Variants in MECOM observed in about 807,000 individuals in gnomAD.
MECOM encodes the protein MDS1 and EVI1 complex locus.
Under a neutral mutation model 116.3 loss-of-function variants are expected in MECOM, and 13 were observed. That is an observed-to-expected ratio of 0.11 (90% CI 0.07 to 0.18). The LOEUF (loss-of-function observed/expected upper bound fraction) is 0.18. Ranked by LOEUF, MECOM falls within the 10% of genes least tolerant of loss-of-function variation. The pLI is 1.00. For synonymous variants in MECOM, 528 were observed against 535.2 expected (o/e 0.99, Z 0.19); for missense variants, 1,299 against 1,509.0 (o/e 0.86, Z 2.31).
chr3:169,581,165 C>G (rs1372237549), intron 1 of MECOM, among the ~76,000 whole-genome samples: 1 of 152,178 alleles, frequency 6.6e-6, no homozygotes, highest in Non-Finnish European at 1.5e-5. Context: ...TGATTCAAAA[C>G]AAAATGAAAC....
intron 2 of MECOM, among the ~76,000 whole-genome samples, chr3:169,243,929 G>C (rs1352881043): frequency 6.6e-6 from 1 of 152,142 alleles, no homozygotes; most frequent in Non-Finnish European, 1.5e-5. Context: ...AAGTCTCCAG[G>C]AGACCCCAAA....
In MECOM at chr3:169,131,556, TG is replaced by T. The variant is rs753982533; in HGVS notation, c.511-26del. ...TCTTTAAAGACAAAATAAAGGTGGA[TG>T]GAATCAGGAAAGAGAGAGATGTATA... On this transcript the variant is annotated intron_variant, in intron 3 of 16. Transcript: ENST00000651503. The T allele has an allele frequency of 5.1e-6, 8 of 1,571,298 alleles. No individual in the cohort carries two copies. In the South Asian group the frequency reaches 9.1e-5, roughly 18 times the overall value.
At chr3:169,212,466 G>A (rs1245618813) in intron 2 of MECOM, among the ~76,000 whole-genome samples, 1 of 149,116 alleles carries the variant, frequency 6.7e-6, no homozygotes, top group Admixed American at 6.7e-5. Context: ...AAAAAAAAAA[G>A]CTAAACTGCT....
Position 169,116,288 on chromosome 3 carries a change from G to A in MECOM, c.1584C>T (p.Leu528=), listed in dbSNP as rs1177270970. The change falls in exon 8 of 17, where the codon CTC becomes CTT. Residue 528 remains leucine (L), a synonymous_variant. Transcript: ENST00000651503. ...TEQTNKSQSP[L]MTHPQILPAT... ...CTGGCAGTATCTGAGGATGTGTCAT[G>A]AGGGGACTTTGACTTTTGTTTGTCT... 6.2e-7 allele frequency: 1 copy of A among 1,614,200 alleles called. No homozygotes were observed. The highest frequency in any genetic ancestry group is 1.7e-5 in the Admixed American group (1 of 60,034).
chr3:169,616,209 G>C (rs1769978220), intron 1 of MECOM, among the ~76,000 whole-genome samples: 1 of 152,196 alleles, frequency 6.6e-6, no homozygotes, highest in African/African-American at 2.4e-5. Context: ...TTGTGCAAAG[G>C]AGGCATGGAG....
chr3:169,614,628 T>G (rs1292958293), intron 1 of MECOM, among the ~76,000 whole-genome samples: 4 of 152,074 alleles, frequency 2.6e-5, no homozygotes, highest in African/African-American at 9.7e-5. Context: ...GCTACAACCA[T>G]GTATTATGTA....
intron 2 of MECOM, among the ~76,000 whole-genome samples, chr3:169,287,954 A>G (rs886116389): frequency 3.9e-5 from 6 of 152,328 alleles, no homozygotes; most frequent in African/African-American, 1.4e-4. Context: ...AAAGTTTTAC[A>G]AAATATCCAA....
chr3:169,334,541 A>C (rs1313880407), intron 2 of MECOM, among the ~76,000 whole-genome samples: 2 of 152,142 alleles, frequency 1.3e-5, no homozygotes, highest in Non-Finnish European at 2.9e-5. Flanking sequence ...TGCAAGAACC[A>C]CAGAAGACGG....
At chr3:169,606,345 G>A (rs147273048) in intron 1 of MECOM, among the ~76,000 whole-genome samples, 16 of 151,602 alleles carry the variant, frequency 1.1e-4, no homozygotes, top group African/African-American at 2.2e-4. Flanking sequence ...CTCAGGAGGC[G>A]GAGTTTGCAG....
chr3:169,122,799 C>A, intron 5 of MECOM, 72 bp from the exon 6 acceptor site: 2 of 1,514,752 alleles, frequency 1.3e-6, no homozygotes, highest in Non-Finnish European at 1.8e-6. Context: ...TATTGTTAAT[C>A]CAACTGGTAA....
intron 1 of MECOM, among the ~76,000 whole-genome samples, chr3:169,474,559 T>C (rs1250590809): frequency 1.3e-5 from 2 of 152,170 alleles, no homozygotes; most frequent in African/African-American, 4.8e-5. Flanking sequence ...TATGATTAGA[T>C]ATAAAGTAAC....
chr3:169,124,528 AT>A (rs2149144974), intron 5 of MECOM, among the ~76,000 whole-genome samples: 1 of 140,156 alleles, frequency 7.1e-6, no homozygotes, highest in Non-Finnish European at 1.5e-5. Context: ...AACTGAGGAA[AT>A]TTGTGCTCTT....
chr3:169,395,669 G>T (rs1734915988), intron 1 of MECOM, among the ~76,000 whole-genome samples: 1 of 152,138 alleles, frequency 6.6e-6, no homozygotes, highest in Non-Finnish European at 1.5e-5. Context: ...TCTCTACATG[G>T]ATAATCCATA....
At chr3:169,476,862 T>C (rs1560325853) in intron 1 of MECOM, 1 of 150,850 alleles carries the variant, frequency 6.6e-6, no homozygotes, top group African/African-American at 2.4e-5. Context: ...TTTTTTTTTT[T>C]CTTTTTCTCC....
intron 2 of MECOM, among the ~76,000 whole-genome samples, chr3:169,285,468 G>A (rs918383039): frequency 6.6e-6 from 1 of 152,172 alleles, no homozygotes; most frequent in Non-Finnish European, 1.5e-5. Context: ...ACTACATAGA[G>A]TTTCACATTC....
At chr3:169,545,953 A>G (rs1343650381) in intron 1 of MECOM, among the ~76,000 whole-genome samples, 2 of 152,144 alleles carry the variant, frequency 1.3e-5, no homozygotes, top group African/African-American at 4.8e-5. Context: ...ATATATGAAA[A>G]CCAAAATTCT....
intron 1 of MECOM, among the ~76,000 whole-genome samples, chr3:169,585,711 G>A (rs1765699304): frequency 6.6e-6 from 1 of 152,216 alleles, no homozygotes; most frequent in Non-Finnish European, 1.5e-5. Flanking sequence ...GCATCTTCAT[G>A]AGGGTAGGGA....
rs560657592 is a variant in MECOM at position 169,192,914 on chromosome 3, C to G, written c.376-49082G>C. ...CATTGGAGCTTGTTGGATGTTTGGG[C>G]TCAAGAATATGCAAACAGGGTTAAT... On this transcript the variant is annotated intron_variant, in intron 2 of 16. Transcript: ENST00000651503. Among the ~76,000 whole-genome samples, 13 of 152,028 alleles carry G rather than the reference C, an allele frequency of 8.6e-5. 1 individual carries two copies. The South Asian group carries it at 2.7e-3, about 32-fold the overall frequency.
At chr3:169,377,648 C>T (rs562796555) in intron 2 of MECOM, among the ~76,000 whole-genome samples, 26 of 152,094 alleles carry the variant, frequency 1.7e-4, no homozygotes, top group Admixed American at 1.4e-3. Context: ...GTTAGAGTGG[C>T]GATCATTAAA....
Sources: gnomAD v4.1 joint callset for allele counts (sites outside exome capture counted in the v4.1 genomes callset) on GRCh38, gnomAD v4.1.1 for gene constraint, MANE v1.5 for transcripts, NCBI Gene and HGNC (gene_info 2026-07-23, HGNC 2026-07-21) for gene names.